The following ZNF175 variants were observed in gnomAD, a reference collection of about 807,000 sequenced individuals.
ZNF175 encodes zinc finger protein 175.
In ZNF175, 8 loss-of-function variants were observed where a neutral mutation model predicts 14.0. The ratio of observed to expected loss-of-function variants is 0.57; its 90% CI spans 0.34 to 1.03. The LOEUF is 1.03. ZNF175 is among the 50% of genes least tolerant of loss of function. ZNF175 has a pLI of 0.03. For synonymous variants in ZNF175, 255 were observed against 296.8 expected (o/e 0.86, Z 1.45); for missense variants, 764 against 849.5 (o/e 0.90, Z 1.25).
chr19:51,587,184 G>A lies in ZNF175; in HGVS notation c.853G>A (p.Gly285Arg), dbSNP rs138396190. Residue 285 changes from glycine to arginine, a missense_variant, in exon 5 of 5, where the codon GGG becomes AGG. By Grantham distance (125) the Gly-to-Arg change is moderately radical. Transcript: ENST00000262259. Reference protein sequence around the residue: ...QKKPDGCSECGGSFTQKSHLF... With the variant: ...QKKPDGCSECRGSFTQKSHLF... Reference sequence around the variant, plus strand: ...GAAACCAGATGGATGTTCTGAATGTGGGGGGAGCTTCACCCAGAAGTCACA... The same window carrying A: ...GAAACCAGATGGATGTTCTGAATGTAGGGGGAGCTTCACCCAGAAGTCACA... 6.2e-6 allele frequency: 10 copies of A among 1,614,016 alleles called. No individual in the cohort carries two copies. The highest frequency in any genetic ancestry group is 3.3e-5 in the Admixed American group (2 of 59,998).
Position 51,587,134 on chromosome 19 carries a change from A to G in ZNF175, c.803A>G (p.Lys268Arg). Residue 268 changes from lysine to arginine, a missense_variant, in exon 5 of 5, where the codon AAG (lysine) becomes AGG (arginine). Transcript: ENST00000262259. ...GTCTGTGGCCATAAACAGTCACTCA[A>G]GCAACATCAAATTCATACTCAGAAG... is the stretch of plus-strand genomic sequence containing the variant. ...RKVCGHKQSLKQHQIHTQKKP... is the reference protein window; with the variant it reads ...RKVCGHKQSLRQHQIHTQKKP... 2.5e-6 allele frequency: 4 copies of G among 1,614,202 alleles called. No homozygotes were observed. Among genetic ancestry groups the G allele is most frequent in the Non-Finnish European group, 3.4e-6 (4 of 1,180,034 alleles).
At chr19:51,578,825 A>G (rs1269726295) in intron 2 of ZNF175, among the ~76,000 whole-genome samples, 4 of 152,032 alleles carry the variant, frequency 2.6e-5, no homozygotes, top group Admixed American at 6.5e-5. Flanking sequence ...TCCTTCAGAA[A>G]CACAGAAATG....
At chr19:51,577,742 C>T (rs189700322) in intron 2 of ZNF175, among the ~76,000 whole-genome samples, 4 of 148,394 alleles carry the variant, frequency 2.7e-5, no homozygotes, top group East Asian at 4.1e-4. Context: ...TGGCTCACTG[C>T]AAGCTCCGCC....
chr19:51,577,055 G>A (rs1010771719), intron 2 of ZNF175, among the ~76,000 whole-genome samples: 2 of 152,022 alleles, frequency 1.3e-5, no homozygotes, highest in African/African-American at 2.4e-5. Flanking sequence ...AAACAAAAAC[G>A]AAAACAAAAG....
Position 51,587,023 on chromosome 19 carries a change from A to G in ZNF175, c.692A>G (p.Gln231Arg). 6.2e-7 allele frequency: 1 copy of G among 1,614,234 alleles called. No homozygotes were observed. The highest frequency in any genetic ancestry group is 8.5e-7 in the Non-Finnish European group (1 of 1,180,024). The stretch of plus-strand genomic sequence containing the variant: ...CTTGATGACGTTGTTGGGTCTGGTC[A>G]GCTATTCAGCCATAGCTCTTCTGAT... The part of the protein sequence containing the change: ...EQLDDVVGSG[Q>R]LFSHSSSDAC... Residue 231 changes from glutamine to arginine, a missense_variant, in exon 5 of 5, where the codon CAG becomes CGG. Physicochemically the swap from Gln to Arg is conservative, Grantham distance 43 (BLOSUM62 1). Coordinates refer to ENST00000262259, the MANE Select transcript of ZNF175 (RefSeq NM_007147.4).
rs187389284 is a variant in ZNF175 at position 51,575,291 on chromosome 19, A to C, written c.72+1890A>C. On this transcript the variant is annotated intron_variant, in intron 2 of 4. Transcript: ENST00000262259. ...GAGTGCAGTGGCGCAATCTCTGCTC[A>C]CTGCAAGCTGCACCTCCCGGGTTAA... 8.6e-4 allele frequency among the ~76,000 whole-genome samples: 115 copies of C among 134,376 alleles called. 1 individual carries two copies. The highest frequency in any genetic ancestry group is 3.1e-3 in the African/African-American group (107 of 35,042). The allele number at this position is 134,376 out of a possible 152,430, so 88.2% of individuals were successfully genotyped here. A position where few individuals can be genotyped will look rare whatever the true frequency, so the allele number is the denominator to read the frequency against.
intron 2 of ZNF175, 176 bp downstream of exon 2, chr19:51,573,577 G>A: frequency 1.6e-6 from 1 of 611,708 alleles, no homozygotes; most frequent in South Asian, 2.2e-5. Flanking sequence ...ACCATGAACT[G>A]GCTGATAAAA....
chr19:51,591,992 T>C lies in ZNF175; in HGVS notation c.*3525T>C, dbSNP rs905733100. 8 of 151,816 alleles carry C rather than the reference T, an allele frequency of 5.3e-5. No homozygotes were observed. Among genetic ancestry groups the C allele is most frequent in the African/African-American group, 1.9e-4 (8 of 41,316 alleles). The allele number at this position is 151,816 out of a possible 1,614,324, so 9.4% of individuals were successfully genotyped here. Reference sequence around the variant, plus strand: ...ACCGTGTTGGCCAGGATGGTCTCGATCTCCTGACCTCGTGATCCCCCCCCC... The same window carrying C: ...ACCGTGTTGGCCAGGATGGTCTCGACCTCCTGACCTCGTGATCCCCCCCCC... On this transcript the variant is annotated 3_prime_UTR_variant, in exon 5 of 5. Transcript: ENST00000262259.
chr19:51,580,360 A>G (rs1981957080), intron 2 of ZNF175, among the ~76,000 whole-genome samples: 1 of 152,124 alleles, frequency 6.6e-6, no homozygotes, highest in African/African-American at 2.4e-5. Flanking sequence ...GATTGGGTTC[A>G]GATATTGTCA....
At chr19:51,584,021 T>C (rs1299739663) in intron 4 of ZNF175, among the ~76,000 whole-genome samples, 3 of 152,240 alleles carry the variant, frequency 2.0e-5, no homozygotes, top group African/African-American at 7.2e-5. Flanking sequence ...TTTCACAGTA[T>C]TTTAAAAGGA....
intron 4 of ZNF175, among the ~76,000 whole-genome samples, chr19:51,583,274 T>C (rs979040246): frequency 4.6e-5 from 7 of 152,206 alleles, no homozygotes; most frequent in African/African-American, 1.7e-4. Context: ...GCTTAAACTG[T>C]GTTCTGCTAC....
chr19:51,587,109 G>C lies in ZNF175; in HGVS notation c.778G>C (p.Val260Leu). Residue 260 changes from valine to leucine, a missense_variant, in exon 5 of 5, where the codon GTC (valine) becomes CTC (leucine). By Grantham distance (32) the Val-to-Leu change is conservative. Transcript: ENST00000262259. ...TTGCAAAGGTAACCAGTGTAGAAAA[G>C]TCTGTGGCCATAAACAGTCACTCAA... ...TFCKGNQCRK[V>L]CGHKQSLKQH... is the part of the protein sequence containing the mutation. 2 of 1,614,184 alleles carry C rather than the reference G, an allele frequency of 1.2e-6. No homozygotes were observed. The highest frequency in any genetic ancestry group is 8.5e-7 in the Non-Finnish European group (1 of 1,180,026).
chr19:51,586,502 C>A, intron 4 of ZNF175, 125 bp from the exon 5 acceptor site: 3 of 909,928 alleles, frequency 3.3e-6, no homozygotes, highest in Admixed American at 3.0e-5. Flanking sequence ...TGCTCATTGT[C>A]AGCATCATTA....
At chr19:51,577,751 C>T (rs1224385231) in intron 2 of ZNF175, among the ~76,000 whole-genome samples, 3 of 150,718 alleles carry the variant, frequency 2.0e-5, no homozygotes, top group Non-Finnish European at 4.4e-5. Flanking sequence ...GCAAGCTCCG[C>T]CTCCCGGGTT....
rs770736339 is a variant in ZNF175, at chr19:51,589,643, C to A, written c.*1176C>A. 37 of 692,018 alleles carry A rather than the reference C, an allele frequency of 5.3e-5. No homozygotes were observed. The highest frequency in any genetic ancestry group is 2.9e-4 in the Admixed American group (14 of 47,468). 42.9% of individuals were successfully genotyped at this position (692,018 alleles called of 1,614,324 possible). On this transcript the variant is annotated 3_prime_UTR_variant, in exon 5 of 5. Coordinates refer to ENST00000262259, the MANE Select transcript of ZNF175 (RefSeq NM_007147.4). ...CATTAGTCTCGTTCATATTTTTACA[C>A]CAGGAGTCAACAAACTGTGGCCATT...
At chr19:51,581,156 T>C (rs1287955303) in intron 2 of ZNF175, among the ~76,000 whole-genome samples, 1 of 152,016 alleles carries the variant, frequency 6.6e-6, no homozygotes, top group Non-Finnish European at 1.5e-5. Flanking sequence ...AGGGAACCCA[T>C]TTCTGGCCTC....
At chr19:51,583,761 C>G (rs1450141393) in intron 4 of ZNF175, among the ~76,000 whole-genome samples, 2 of 152,158 alleles carry the variant, frequency 1.3e-5, no homozygotes, top group Non-Finnish European at 2.9e-5. Context: ...CCACATATTT[C>G]CAATTTAAAA....
Position 51,580,482 on chromosome 19 carries a change from G to A in ZNF175, c.73-909G>A, listed in dbSNP as rs8100728. The stretch of plus-strand genomic sequence containing the variant: ...GTCCTTCAGGCTGCATTTATCATCT[G>A]CAGTACTTCTGTAATGAAGATCTTT... On this transcript the variant is annotated intron_variant, in intron 2 of 4. Transcript: ENST00000262259. 3.9e-3 allele frequency among the ~76,000 whole-genome samples: 598 copies of A among 152,272 alleles called. 6 individuals carry two copies. Among genetic ancestry groups the A allele is most frequent in the African/African-American group, 0.014 (573 of 41,544 alleles).
Position 51,589,726 on chromosome 19 carries a change from A to G in ZNF175, c.*1259A>G, listed in dbSNP as rs1442527117. ...AATAAAGTTTTATTGGAACACAGCC[A>G]TGTTCATTTGGACATGTATTGTCTG... On this transcript the variant is annotated 3_prime_UTR_variant, in exon 5 of 5. Transcript: ENST00000262259. The G allele has an allele frequency of 8.1e-6, 5 of 615,046 alleles. No homozygotes were observed. Among genetic ancestry groups the G allele is most frequent in the Non-Finnish European group, 1.4e-5 (5 of 345,928 alleles). The allele number at this position is 615,046 out of a possible 1,614,324, so 38.1% of individuals were successfully genotyped here. A position where few individuals can be genotyped will look rare whatever the true frequency, so the allele number is the denominator to read the frequency against.
Sources: gnomAD v4.1 joint callset for allele counts (sites outside exome capture counted in the v4.1 genomes callset) on GRCh38, gnomAD v4.1.1 for gene constraint, MANE v1.5 for transcripts, NCBI Gene and HGNC (gene_info 2026-07-23, HGNC 2026-07-21) for gene names.